CENPC: variants seen among roughly 807,000 people sequenced by gnomAD.
The protein encoded by CENPC is CENP-C 1.
Under a neutral mutation model 112.1 loss-of-function variants are expected in CENPC, and 63 were observed. The observed-to-expected ratio is 0.56, with a 90% confidence interval of 0.46 to 0.69. The LOEUF is 0.69. Ranked by LOEUF, CENPC falls within the 30% of genes least tolerant of loss-of-function variation. CENPC has a pLI of 0.00. For missense variants in CENPC, 1,000 were observed against 1,103.8 expected (o/e 0.91, Z 1.33); for synonymous variants, 333 against 367.6 (o/e 0.91, Z 1.08).
chr4:67,508,913 C>A lies in CENPC; in HGVS notation c.1805G>T (p.Gly602Val). Residue 602 changes from glycine (G) to valine (V), a missense_variant, in exon 10 of 19, where the codon GGT (glycine) becomes GTT (valine). Physicochemically the swap from Gly to Val is moderately radical, Grantham distance 109. Coordinates refer to ENST00000273853, the MANE Select transcript of CENPC (RefSeq NM_001812.4). ...GGAAATTTCATCATGACCAACGATA[C>A]CTCCAGAACCTTCAGCATTTAAAAA... is the stretch of plus-strand genomic sequence containing the variant. ...QKFLNAEGSG[G>V]IVGHDEISRC... 2 of 1,613,664 alleles carry A rather than the reference C, an allele frequency of 1.2e-6. No individual in the cohort carries two copies. Among genetic ancestry groups the A allele is most frequent in the Non-Finnish European group, 1.7e-6 (2 of 1,179,722 alleles).
intron 14 of CENPC, 130 bp downstream of exon 14, chr4:67,493,754 T>A: frequency 1.7e-6 from 1 of 584,322 alleles, no homozygotes; most frequent in South Asian, 2.2e-5. Flanking sequence ...AAAATGAATT[T>A]AAATCCTATT....
chr4:67,514,138 T>A lies in CENPC; in HGVS notation c.1380A>T (p.Arg460Ser). Reference protein sequence around the residue: ...TQDEFQRNSDRNMEEHEEMGN... With the variant: ...TQDEFQRNSDSNMEEHEEMGN... ...CCATCTCTTCATGCTCTTCCATATT[T>A]CTGTCTGAATTTCTTTGAAATTCGT... Residue 460 changes from arginine to serine, a missense_variant, in exon 8 of 19, where the codon AGA (arginine) becomes AGT (serine). By Grantham distance (110) the Arg-to-Ser change is moderately radical. Coordinates refer to ENST00000273853, the MANE Select transcript of CENPC (RefSeq NM_001812.4). 6.2e-7 allele frequency: 1 copy of A among 1,610,478 alleles called. No individual in the cohort carries two copies. Among genetic ancestry groups the A allele is most frequent in the Non-Finnish European group, 8.5e-7 (1 of 1,178,606 alleles).
intron 17 of CENPC, among the ~76,000 whole-genome samples, chr4:67,475,748 G>A (rs140690784): frequency 1.7e-4 from 26 of 152,252 alleles, no homozygotes; most frequent in African/African-American, 5.3e-4. Context: ...ACAGGCGCCC[G>A]CCATCGCGCC....
chr4:67,530,799 T>C lies in CENPC; in HGVS notation c.331+16A>G, dbSNP rs760239403. 2 of 1,354,808 alleles carry C rather than the reference T, an allele frequency of 1.5e-6. No individual in the cohort carries two copies. Among genetic ancestry groups the C allele is most frequent in the Non-Finnish European group, 2.1e-6 (2 of 972,300 alleles). 83.9% of individuals were successfully genotyped at this position (1,354,808 alleles called of 1,614,324 possible). A position where few individuals can be genotyped will look rare whatever the true frequency, so the allele number is the denominator to read the frequency against. The stretch of plus-strand genomic sequence containing the variant: ...AATATATCCAAGCAAATAATGCCCA[T>C]GGAGATGGCACCAACCTGATCTGTT... On this transcript the variant is annotated intron_variant, in intron 5 of 18. Coordinates refer to ENST00000273853, the MANE Select transcript of CENPC (RefSeq NM_001812.4).
chr4:67,515,728 A>G (rs951038581), intron 7 of CENPC, among the ~76,000 whole-genome samples: 1 of 151,980 alleles, frequency 6.6e-6, no homozygotes, highest in Admixed American at 6.5e-5. Flanking sequence ...GGTATTTCAC[A>G]TATATTTTCA....
chr4:67,511,762 T>C (rs1725898404), intron 9 of CENPC, among the ~76,000 whole-genome samples: 1 of 152,086 alleles, frequency 6.6e-6, no homozygotes, highest in Non-Finnish European at 1.5e-5. Context: ...CTAATAGACA[T>C]TTTGCCTATT....
chr4:67,474,980 T>A lies in CENPC; in HGVS notation c.2671-2A>T. 1 of 1,468,074 alleles carries A rather than the reference T, an allele frequency of 6.8e-7. No individual in the cohort carries two copies. Among genetic ancestry groups the A allele is most frequent in the Non-Finnish European group, 9.2e-7 (1 of 1,083,726 alleles). 90.9% of individuals were successfully genotyped at this position (1,468,074 alleles called of 1,614,324 possible). Reference sequence around the variant, plus strand: ...GTCACCAAAGTTAACATAAAAAACCTGTAAAAATAAAAATAAAAATCTCAT... The same window carrying A: ...GTCACCAAAGTTAACATAAAAAACCAGTAAAAATAAAAATAAAAATCTCAT... On this transcript the variant is annotated splice_acceptor_variant, in intron 17 of 18. Transcript: ENST00000273853. LOFTEE classifies it high-confidence loss of function.
chr4:67,495,038 A>C, intron 13 of CENPC, 121 bp downstream of exon 13: 2 of 981,060 alleles, frequency 2.0e-6, no homozygotes, highest in Non-Finnish European at 2.8e-6. Flanking sequence ...ATTTTAATTT[A>C]TCTGCCAATT....
At chr4:67,534,360 G>A (rs886261639) in intron 4 of CENPC, among the ~76,000 whole-genome samples, 3 of 152,100 alleles carry the variant, frequency 2.0e-5, no homozygotes, top group African/African-American at 7.2e-5. Flanking sequence ...AGATTGCAGT[G>A]AGCCGAAATC....
intron 6 of CENPC, 52 bp downstream of exon 6, chr4:67,519,165 A>T: frequency 1.5e-6 from 2 of 1,359,790 alleles, no homozygotes; most frequent in Non-Finnish European, 2.0e-6. Flanking sequence ...ATTTTTTAAT[A>T]CAAAAAGTAA....
rs775258326 is a variant in CENPC at position 67,514,464 on chromosome 4, T to C, written c.1054A>G (p.Asn352Asp). The C allele has an allele frequency of 1.2e-5, 19 of 1,613,492 alleles. No individual in the cohort carries two copies. Among genetic ancestry groups the C allele is most frequent in the Non-Finnish European group, 1.5e-5 (18 of 1,179,864 alleles). The part of the protein sequence containing the change: ...QGRKSREKHH[N>D]ILPKTLANDK... ...TTTGCCAAAGTCTTAGGTAATATAT[T>C]ATGATGCTTTTCTCTTGACTTTCTA... The change falls in exon 8 of 19, where the codon AAT becomes GAT. Residue 352 changes from asparagine to aspartate, a missense_variant. Transcript: ENST00000273853.
At position 67,491,480 on chromosome 4, in the gene CENPC, T is replaced by TAGAGAGAGAG. The variant is rs71219046; in HGVS notation, c.2515+690_2515+699dup. On this transcript the variant is annotated intron_variant, in intron 16 of 18. Transcript: ENST00000273853. ...ATATATATATATATATATATATATATAGAGAGAGAGAGAGAGAGAGAGAGA... is the reference window on the plus strand; with the variant it reads ...ATATATATATATATATATATATATATAGAGAGAGAGAGAGAGAGAGAGAGAGAGAGAGAGA... 4.0e-3 allele frequency among the ~76,000 whole-genome samples: 73 copies of TAGAGAGAGAG among 18,096 alleles called. 5 individuals carry two copies. Among genetic ancestry groups the TAGAGAGAGAG allele is most frequent in the Non-Finnish European group, 5.1e-3 (49 of 9,594 alleles). 11.9% of individuals were successfully genotyped at this position (18,096 alleles called of 152,430 possible). A position where few individuals can be genotyped will look rare whatever the true frequency, so the allele number is the denominator to read the frequency against.
At chr4:67,494,061 T>C (rs989264630) in intron 13 of CENPC, 73 bp from the exon 14 acceptor site, 3 of 724,228 alleles carry the variant, frequency 4.1e-6, no homozygotes, top group Non-Finnish European at 6.2e-6. Context: ...AAAGACTGTC[T>C]TTTAGAACAT....
rs201575627 is a variant in CENPC at position 67,539,881 on chromosome 4, G to A, written c.190C>T (p.Arg64Cys). The A allele has an allele frequency of 3.3e-4, 508 of 1,533,720 alleles. No homozygotes were observed. The African/African-American group carries it at 4.8e-3, about 14-fold the overall frequency. The part of the protein sequence containing the change: ...NSTKSVPNST[R>C]KIKDTCIQSP... ...TGAATACAAGTGTCTTTTATTTTGC[G>A]TGTTGAATTAGGCACTGATTTTGTA... Residue 64 changes from arginine to cysteine, a missense_variant, in exon 4 of 19, where the codon CGC (arginine) becomes TGC (cysteine). Physicochemically the swap from Arg to Cys is radical, Grantham distance 180. Coordinates refer to ENST00000273853, the MANE Select transcript of CENPC (RefSeq NM_001812.4).
intron 4 of CENPC, among the ~76,000 whole-genome samples, chr4:67,536,258 A>G (rs1726715528): frequency 6.6e-6 from 1 of 152,154 alleles, no homozygotes; most frequent in Admixed American, 6.5e-5. Context: ...TAAAATGTCA[A>G]AACTGGCAAA....
At chr4:67,524,283 C>A (rs1336032106) in intron 5 of CENPC, among the ~76,000 whole-genome samples, 2 of 152,124 alleles carry the variant, frequency 1.3e-5, no homozygotes, top group African/African-American at 2.4e-5. Context: ...AGGATGCCCT[C>A]TCTCACCACT....
rs1724880396 is a variant in CENPC at position 67,478,889 on chromosome 4, C to A, written c.2671-3911G>T. Among the ~76,000 whole-genome samples, 3 of 152,098 alleles carry A rather than the reference C, an allele frequency of 2.0e-5. No individual in the cohort carries two copies. The South Asian group carries it at 6.2e-4, about 32-fold the overall frequency. On this transcript the variant is annotated intron_variant, in intron 17 of 18. Coordinates refer to ENST00000273853, the MANE Select transcript of CENPC (RefSeq NM_001812.4). ...AAGAAGTAGTAAAAGATATTCCATG[C>A]AAATGGATACCAAAAGAGAGCAGGA...
chr4:67,514,269 T>C lies in CENPC; in HGVS notation c.1249A>G (p.Ile417Val), dbSNP rs142565656. The change falls in exon 8 of 19, where the codon ATA becomes GTA. Residue 417 changes from isoleucine to valine, a missense_variant. Physicochemically the swap from Ile to Val is conservative, Grantham distance 29 (BLOSUM62 3). Coordinates refer to ENST00000273853, the MANE Select transcript of CENPC (RefSeq NM_001812.4). ...AATTTTCTTCTCTGTTTTTGTTTTA[T>C]AGTCCTTTTGCTTCTAGATGGTTTT... ...AEKPSRSKRT[I>V]KQKQRRKFMA... The C allele has an allele frequency of 8.9e-5, 143 of 1,611,456 alleles. No homozygotes were observed. Among genetic ancestry groups the C allele is most frequent in the Admixed American group, 1.2e-4 (7 of 59,622 alleles).
At chr4:67,515,487 G>C (rs752816172) in intron 7 of CENPC, among the ~76,000 whole-genome samples, 7 of 151,542 alleles carry the variant, frequency 4.6e-5, no homozygotes, top group Non-Finnish European at 8.8e-5. Context: ...AAAAAAGAGA[G>C]AGAGAGAGAG....
Sources: allele counts gnomAD v4.1 joint callset (sites outside exome capture counted in the v4.1 genomes callset), GRCh38; gene constraint gnomAD v4.1.1; transcripts MANE v1.5; gene names NCBI Gene and HGNC (gene_info 2026-07-23, HGNC 2026-07-21).